Variants in GJB1 observed in about 807,000 individuals in gnomAD.
GJB1 encodes gap junction beta-1 protein.
A neutral mutation model predicts 12.0 loss-of-function variants in GJB1; 1 was observed. The observed-to-expected ratio is 0.08, with a 90% CI of 0.03 to 0.40. GJB1 has a LOEUF of 0.40. GJB1 is among the 10% of genes least tolerant of loss of function. GJB1 has a pLI of 0.98. For missense variants in GJB1, 140 were observed against 250.3 expected (o/e 0.56, Z 2.97); for synonymous variants, 114 against 102.8 (o/e 1.11, Z -0.66).
upstream of GJB1, among the ~76,000 whole-genome samples, chrX:71,220,002 C>T (rs1439899328): frequency 9.5e-6 from 1 of 104,948 alleles, no homozygotes; most frequent in Non-Finnish European, 1.9e-5. Flanking sequence ...GCCACCACGC[C>T]CAGCTAATTG....
At chrX:71,217,104 ATGTGTGTGTGTGTG>A (rs34246909) in intron 1 of GJB1, among the ~76,000 whole-genome samples, 1,520 of 93,563 alleles carry the variant, frequency 0.016, 29 homozygotes, top group African/African-American at 0.058. Context: ...GACTAGACGA[ATGTGTGTGTGTGTG>A]TGTGTGTGTG....
chrX:71,219,896 G>A (rs2092533419), upstream of GJB1, among the ~76,000 whole-genome samples: 1 of 98,993 alleles, frequency 1.0e-5, no homozygotes, highest in African/African-American at 3.7e-5. Flanking sequence ...AGCCTGGAGT[G>A]CAGTGGTGGG....
At chrX:71,217,104 A>ATGTGTGTGTGTGTGTGTGTGTG (rs34246909) in intron 1 of GJB1, among the ~76,000 whole-genome samples, 51 of 93,571 alleles carry the variant, frequency 5.5e-4, no homozygotes, top group East Asian at 1.5e-3. Context: ...GACTAGACGA[A>ATGTGTGTGTGTGTGTGTGTGTG]TGTGTGTGTG....
chrX:71,224,921 G>T lies in GJB1; in HGVS notation c.*362G>T. 3.5e-6 allele frequency: 1 copy of T among 289,675 alleles called. No individual in the cohort carries two copies. Among genetic ancestry groups the T allele is most frequent in the Non-Finnish European group, 6.5e-6 (1 of 153,948 alleles). 23.9% of individuals were successfully genotyped at this position (289,675 alleles called of 1,213,427 possible). On this transcript the variant is annotated 3_prime_UTR_variant, in exon 2 of 2. Coordinates refer to ENST00000361726, the MANE Select transcript of GJB1 (RefSeq NM_000166.6). The stretch of plus-strand genomic sequence containing the variant: ...CTGTGCTGTCAGATACCCTGTTTCT[G>T]GAGTCACATCAGTGAGGAGGGATGT...
upstream of GJB1, among the ~76,000 whole-genome samples, chrX:71,219,794 AAG>A (rs2092533047): frequency 9.9e-6 from 1 of 100,669 alleles, no homozygotes; most frequent in Non-Finnish European, 2.0e-5. Flanking sequence ...AAAAAAAAAA[AAG>A]AATAACCTGG....
In GJB1 at chrX:71,224,374, C is replaced by G. The variant is rs778034842; in HGVS notation, c.667C>G (p.Arg223Gly). 3.3e-6 allele frequency: 4 copies of G among 1,210,320 alleles called. No individual in the cohort carries two copies. The South Asian group carries it at 7.0e-5, about 21-fold the overall frequency. Residue 223 changes from arginine to glycine, a missense_variant, in exon 2 of 2, where the codon CGC becomes GGC. Physicochemically the swap from Arg to Gly is moderately radical, Grantham distance 125. Transcript: ENST00000361726. ...CCGGGCCTGTGCCCGCCGAGCCCAG[C>G]GCCGCTCCAATCCACCTTCCCGCAA... is the stretch of plus-strand genomic sequence containing the variant. ...IIRACARRAQ[R>G]RSNPPSRKGS...
At chrX:71,222,558 T>A (rs1040034096), upstream of GJB1, 1 of 104,027 alleles carries the variant, frequency 9.6e-6, no homozygotes, top group African/African-American at 3.5e-5. Flanking sequence ...TTTTTTTTTT[T>A]AATGGTTAGC....
At chrX:71,222,833 C>T (rs919342154), upstream of GJB1, 5 of 111,638 alleles carry the variant, frequency 4.5e-5, no homozygotes, top group Non-Finnish European at 9.4e-5. Flanking sequence ...CCTCTTTCCT[C>T]TCCATATTCC....
At chrX:71,222,675 G>C (rs41310607), upstream of GJB1, 1 of 109,256 alleles carries the variant, frequency 9.2e-6, no homozygotes, top group Non-Finnish European at 1.9e-5. Context: ...GCTTTGGAAC[G>C]GTGTGACCTT....
chrX:71,224,413 G>A lies in GJB1; in HGVS notation c.706G>A (p.Gly236Ser), dbSNP rs1195589859. The A allele has an allele frequency of 2.4e-5, 29 of 1,209,931 alleles. No individual in the cohort carries two copies. The East Asian group carries it at 3.6e-4, about 15-fold the overall frequency. ...NPPSRKGSGF[G>S]HRLSPEYKQN... Reference sequence around the variant, plus strand: ...ACCTTCCCGCAAGGGCTCGGGCTTCGGCCACCGCCTCTCACCTGAATACAA... The same window carrying A: ...ACCTTCCCGCAAGGGCTCGGGCTTCAGCCACCGCCTCTCACCTGAATACAA... Residue 236 changes from glycine to serine, a missense_variant, in exon 2 of 2, where the codon GGC becomes AGC. Gly to Ser is a moderately conservative substitution (Grantham distance 56, BLOSUM62 0). Coordinates refer to ENST00000361726, the MANE Select transcript of GJB1 (RefSeq NM_000166.6).
chrX:71,220,142 C>CTTTTTT (rs41353351), upstream of GJB1, among the ~76,000 whole-genome samples: 3 of 52,805 alleles, frequency 5.7e-5, no homozygotes, highest in African/African-American at 1.4e-4. Context: ...TGTGCCTGGC[C>CTTTTTT]TTTTTTTTTT....
chrX:71,219,890 T>C (rs1346640421), upstream of GJB1, among the ~76,000 whole-genome samples: 1 of 99,685 alleles, frequency 1.0e-5, no homozygotes, highest in Non-Finnish European at 2.0e-5. Context: ...TCGCCCAGCC[T>C]GGAGTGCAGT....
chrX:71,219,540 G>C (rs920703726), upstream of GJB1, among the ~76,000 whole-genome samples: 1 of 107,857 alleles, frequency 9.3e-6, no homozygotes, highest in Non-Finnish European at 1.9e-5. Context: ...GGGAGGCTGA[G>C]GCAGGTGGAT....
rs1270518681 is a variant in GJB1 at position 71,223,755 on chromosome X, T to C, written c.48T>C (p.His16=). Residue 16 remains histidine, a synonymous_variant, in exon 2 of 2, where the codon CAT becomes CAC. Transcript: ENST00000361726. ...CCTTGCTCAGTGGCGTGAACCGGCA[T>C]TCTACTGCCATTGGCCGAGTATGGC... ...LYTLLSGVNR[H]STAIGRVWLS... is the part of the protein sequence containing the mutation. 1 of 1,210,490 alleles carries C rather than the reference T, an allele frequency of 8.3e-7. No homozygotes were observed. Among genetic ancestry groups the C allele is most frequent in the African/African-American group, 1.7e-5 (1 of 57,790 alleles).
chrX:71,219,773 C>CAAAAAAA (rs41477550), upstream of GJB1, among the ~76,000 whole-genome samples: 3 of 22,057 alleles, frequency 1.4e-4, no homozygotes, highest in African/African-American at 2.2e-4. Context: ...GACTCCCTCT[C>CAAAAAAA]AAAAAAAAAA....
chrX:71,217,104 A>ATGTG (rs34246909), intron 1 of GJB1, among the ~76,000 whole-genome samples: 359 of 93,559 alleles, frequency 3.8e-3, no homozygotes, highest in East Asian at 0.012. Context: ...GACTAGACGA[A>ATGTG]TGTGTGTGTG....
rs2092548645 is a variant in GJB1 at position 71,225,459 on chromosome X, G to C, written c.*900G>C. ...CTAATAACAGCTTTATTGGGATTTA[G>C]TTTACATACCTCCTTCCTCTGATTT... On this transcript the variant is annotated 3_prime_UTR_variant, in exon 2 of 2. Transcript: ENST00000361726. 8.2e-6 allele frequency: 1 copy of C among 122,685 alleles called. No individual in the cohort carries two copies. The highest frequency in any genetic ancestry group is 2.8e-4 in the East Asian group (1 of 3,579). The allele number at this position is 122,685 out of a possible 1,213,427, so 10.1% of individuals were successfully genotyped here. A position where few individuals can be genotyped will look rare whatever the true frequency, so the allele number is the denominator to read the frequency against.
intron 1 of GJB1, among the ~76,000 whole-genome samples, chrX:71,217,310 T>C (rs967466277): frequency 5.3e-5 from 6 of 112,352 alleles, no homozygotes; most frequent in African/African-American, 1.9e-4. Flanking sequence ...AGCAGTGCAA[T>C]TGCCGTTGAG....
rs1369792450 is a variant in GJB1 at position 71,224,664 on chromosome X, G to A, written c.*105G>A. The stretch of plus-strand genomic sequence containing the variant: ...GGCCTCTGCCTGCTGGGGATTACTC[G>A]ATCAAAACCTTCCTTCCCTGGCTAC... On this transcript the variant is annotated 3_prime_UTR_variant, in exon 2 of 2. Coordinates refer to ENST00000361726, the MANE Select transcript of GJB1 (RefSeq NM_000166.6). The A allele has an allele frequency of 9.6e-6, 7 of 729,755 alleles. No homozygotes were observed. The highest frequency in any genetic ancestry group is 2.2e-5 in the African/African-American group (1 of 46,286). 60.1% of individuals were successfully genotyped at this position (729,755 alleles called of 1,213,427 possible). A position where few individuals can be genotyped will look rare whatever the true frequency, so the allele number is the denominator to read the frequency against.
Sources: gnomAD v4.1 joint callset for allele counts (sites outside exome capture counted in the v4.1 genomes callset) on GRCh38, gnomAD v4.1.1 for gene constraint, MANE v1.5 for transcripts, NCBI Gene and HGNC (gene_info 2026-07-23, HGNC 2026-07-21) for gene names.